Variants in MARCHF1 observed in about 807,000 individuals in gnomAD.
MARCHF1 encodes membrane associated ring-CH-type finger 1.
In MARCHF1, 40 loss-of-function variants were observed where a neutral mutation model predicts 54.2. The observed-to-expected ratio is 0.74, with a 90% CI of 0.57 to 0.96. The LOEUF (loss-of-function observed/expected upper bound fraction) is 0.96. Among genes scored for constraint, MARCHF1 ranks in the 40% least tolerant of loss-of-function variants. MARCHF1 has a pLI of 0.00. For missense variants in MARCHF1, 586 were observed against 656.5 expected, an observed-to-expected ratio of 0.89 and a Z score of 1.17; for synonymous variants, 236 against 236.3, an observed-to-expected ratio of 1.00 and a Z score of 0.01.
chr4:163,906,016 A>T (rs923831835), intron 3 of MARCHF1, among the ~76,000 whole-genome samples: 19 of 152,212 alleles, frequency 1.2e-4, no homozygotes, highest in African/African-American at 3.8e-4. Flanking sequence ...TGTCAGACAA[A>T]ATAAGATATT....
At chr4:164,196,295 T>C (rs1731256396) in intron 1 of MARCHF1, among the ~76,000 whole-genome samples, 1 of 152,132 alleles carries the variant, frequency 6.6e-6, no homozygotes, top group East Asian at 1.9e-4. Context: ...TGTCCCCAGG[T>C]ATGCTTTATT....
At chr4:163,723,673 G>GATT (rs1745554610) in intron 4 of MARCHF1, among the ~76,000 whole-genome samples, 1 of 152,190 alleles carries the variant, frequency 6.6e-6, no homozygotes, top group Non-Finnish European at 1.5e-5. Context: ...AACAGATGTA[G>GATT]ATTTGGTCTT....
chr4:164,036,110 A>AAAAC (rs1553971947), intron 2 of MARCHF1, among the ~76,000 whole-genome samples: 4 of 136,904 alleles, frequency 2.9e-5, no homozygotes, highest in African/African-American at 1.2e-4. Context: ...CTCAAAAAAA[A>AAAAC]AAAAAACAAA....
At chr4:163,662,673 G>C (rs778764978) in intron 5 of MARCHF1, among the ~76,000 whole-genome samples, 1 of 151,948 alleles carries the variant, frequency 6.6e-6, no homozygotes, top group Non-Finnish European at 1.5e-5. Context: ...TCACTCAAAA[G>C]CTGATTAGGT....
intron 2 of MARCHF1, among the ~76,000 whole-genome samples, chr4:164,003,605 C>T (rs1753227901): frequency 6.6e-6 from 1 of 152,002 alleles, no homozygotes; most frequent in South Asian, 2.1e-4. Flanking sequence ...TCTCACCAGT[C>T]AGAATGGCAG....
intron 2 of MARCHF1, among the ~76,000 whole-genome samples, chr4:164,009,860 G>T (rs768254612): frequency 6.6e-6 from 1 of 151,930 alleles, no homozygotes; most frequent in Non-Finnish European, 1.5e-5. Flanking sequence ...AAAACTGAAA[G>T]ACTTCCTTTT....
chr4:163,736,994 A>G (rs1746053361), intron 4 of MARCHF1, among the ~76,000 whole-genome samples: 1 of 152,052 alleles, frequency 6.6e-6, no homozygotes, highest in Non-Finnish European at 1.5e-5. Flanking sequence ...GGAAACTTCT[A>G]CCATCAACTA....
At chr4:164,328,690 C>T (rs541344857) in intron 1 of MARCHF1, among the ~76,000 whole-genome samples, 3 of 152,140 alleles carry the variant, frequency 2.0e-5, no homozygotes, top group East Asian at 1.9e-4. Flanking sequence ...CCAGCACGCT[C>T]AGCTAATTTT....
chr4:164,101,166 G>C (rs1198566582), intron 2 of MARCHF1, among the ~76,000 whole-genome samples: 1 of 152,208 alleles, frequency 6.6e-6, no homozygotes, highest in Non-Finnish European at 1.5e-5. Flanking sequence ...CAAACTGCAA[G>C]GCAGCAGCGA....
chr4:164,090,272 A>T (rs1755271116), intron 2 of MARCHF1, among the ~76,000 whole-genome samples: 1 of 152,104 alleles, frequency 6.6e-6, no homozygotes, highest in Admixed American at 6.6e-5. Flanking sequence ...AGTGATATTG[A>T]TATAAGCATA....
intron 4 of MARCHF1, among the ~76,000 whole-genome samples, chr4:163,753,076 C>T (rs1025590334): frequency 6.6e-6 from 1 of 151,844 alleles, no homozygotes; most frequent in Non-Finnish European, 1.5e-5. Flanking sequence ...TGCATCTACT[C>T]GTTATTTAAT....
intron 5 of MARCHF1, among the ~76,000 whole-genome samples, chr4:163,644,407 G>T (rs1318701090): frequency 6.6e-6 from 1 of 152,120 alleles, no homozygotes; most frequent in African/African-American, 2.4e-5. Flanking sequence ...CTTCAATCTT[G>T]ATTGTGGACA....
At chr4:164,022,902 G>A (rs1458691535) in intron 2 of MARCHF1, among the ~76,000 whole-genome samples, 1 of 152,222 alleles carries the variant, frequency 6.6e-6, no homozygotes, top group African/African-American at 2.4e-5. Context: ...CCACTGCCTA[G>A]CCTGGGTATT....
At position 164,148,494 on chromosome 4, in the gene MARCHF1, T is replaced by C. The variant is rs192647262; in HGVS notation, c.-322-36832A>G. On this transcript the variant is annotated intron_variant, in intron 1 of 9. Coordinates refer to ENST00000514618, the MANE Select transcript of MARCHF1 (RefSeq NM_001394959.1). The stretch of plus-strand genomic sequence containing the variant: ...CCATTTCTTTATCCTTTTCCTAATT[T>C]CTTTATTCATACTTTGCTTTCCCTA... 2.0e-4 allele frequency among the ~76,000 whole-genome samples: 30 copies of C among 152,244 alleles called. No homozygotes were observed. In the East Asian group the frequency reaches 3.9e-3, roughly 20 times the overall value.
intron 5 of MARCHF1, among the ~76,000 whole-genome samples, chr4:163,666,592 G>A (rs1367911951): frequency 6.6e-6 from 1 of 152,060 alleles, no homozygotes; most frequent in African/African-American, 2.4e-5. Flanking sequence ...TGAGTTGACT[G>A]CTGTGTTTAC....
intron 1 of MARCHF1, among the ~76,000 whole-genome samples, chr4:164,172,325 G>C (rs1316754446): frequency 1.3e-5 from 2 of 152,072 alleles, no homozygotes; most frequent in African/African-American, 4.8e-5. Flanking sequence ...TCATAAACAG[G>C]AATTTGTTGA....
intron 1 of MARCHF1, among the ~76,000 whole-genome samples, chr4:164,187,123 T>G (rs1295696597): frequency 6.6e-6 from 1 of 152,058 alleles, no homozygotes; most frequent in African/African-American, 2.4e-5. Flanking sequence ...ACTTGTGTGT[T>G]AGGGAGATAG....
At chr4:164,081,573 C>T (rs1323163804) in intron 2 of MARCHF1, among the ~76,000 whole-genome samples, 1 of 151,998 alleles carries the variant, frequency 6.6e-6, no homozygotes, top group East Asian at 1.9e-4. Context: ...ATGAGTGCTC[C>T]TCTTCCTTCA....
chr4:164,097,214 A>G (rs1755434861), intron 2 of MARCHF1, among the ~76,000 whole-genome samples: 1 of 152,192 alleles, frequency 6.6e-6, no homozygotes, highest in African/African-American at 2.4e-5. Context: ...ATCTTGGTAA[A>G]TATATTTCGC....
Sources: gnomAD v4.1 joint callset for allele counts (sites outside exome capture counted in the v4.1 genomes callset) on GRCh38, gnomAD v4.1.1 for gene constraint, MANE v1.5 for transcripts, NCBI Gene and HGNC (gene_info 2026-07-23, HGNC 2026-07-21) for gene names.